Variants in IMPDH2 observed in about 807,000 individuals in gnomAD.
IMPDH2 encodes the protein inosine-5'-monophosphate dehydrogenase 2.
In IMPDH2, 33 loss-of-function variants were observed where a neutral mutation model predicts 57.8. The observed-to-expected ratio is 0.57, with a 90% CI of 0.43 to 0.76. The LOEUF is 0.76. Among genes scored for constraint, IMPDH2 ranks in the 30% least tolerant of loss-of-function variants. IMPDH2 has a pLI of 0.00. For missense variants in IMPDH2, 446 were observed against 659.1 expected, an observed-to-expected ratio of 0.68 and a Z score of 3.54; for synonymous variants, 270 against 241.3, an observed-to-expected ratio of 1.12 and a Z score of -1.10.
chr3:49,024,919 G>A lies in IMPDH2; in HGVS notation c.1272C>T (p.Leu424=), dbSNP rs749230945. The change falls in exon 11 of 14, where the codon CTC becomes CTT. Residue 424 remains leucine (L), a synonymous_variant. Transcript: ENST00000326739. Reference sequence around the variant, plus strand: ...ACCTGAAATATCTGTTCTGGCTGCTGAGGTGCTTGTCCATGGCATCGAGAG... The same window carrying A: ...ACCTGAAATATCTGTTCTGGCTGCTAAGGTGCTTGTCCATGGCATCGAGAG... ...MGSLDAMDKH[L]SSQNRYFSEA... 6.2e-7 allele frequency: 1 copy of A among 1,614,130 alleles called. No individual in the cohort carries two copies. Among genetic ancestry groups the A allele is most frequent in the Non-Finnish European group, 8.5e-7 (1 of 1,180,054 alleles).
intron 9 of IMPDH2, 109 bp from the exon 10 acceptor site, chr3:49,025,378 T>A: frequency 8.4e-7 from 1 of 1,191,104 alleles, no homozygotes; most frequent in Non-Finnish European, 1.2e-6. Flanking sequence ...GCATCAGGAC[T>A]GCAGCTTGGC....
intron 9 of IMPDH2, chr3:49,026,122 G>A (rs72624915): frequency 0.012 from 7,911 of 681,816 alleles, 92 homozygotes; most frequent in Middle Eastern, 0.03. Flanking sequence ...GAGCAAGAAG[G>A]CCAGGCTAGG....
intron 2 of IMPDH2, 58 bp downstream of exon 2, chr3:49,028,700 T>A: frequency 6.7e-7 from 1 of 1,482,402 alleles, no homozygotes; most frequent in South Asian, 1.1e-5. Context: ...AGAGACCAGG[T>A]GATAGTAGCA....
intron 5 of IMPDH2, among the ~76,000 whole-genome samples, chr3:49,027,370 G>A (rs937967808): frequency 1.3e-5 from 2 of 152,104 alleles, no homozygotes; most frequent in African/African-American, 4.8e-5. Context: ...ATTGAGTGAG[G>A]GATGAGTAGA....
Position 49,029,394 on chromosome 3 carries a change from C to CAGAG in IMPDH2, c.-48_-45dup. The stretch of plus-strand genomic sequence containing the variant: ...CCGCGTGTCTCCGAGGACCGCGCCG[C>CAGAG]AGAGACCTCTGCCGTCTGGGCCGCG... On this transcript the variant is annotated 5_prime_UTR_variant, in exon 1 of 14. Coordinates refer to ENST00000326739, the MANE Select transcript of IMPDH2 (RefSeq NM_000884.3). 7.5e-7 allele frequency: 1 copy of CAGAG among 1,340,780 alleles called. No homozygotes were observed. The highest frequency in any genetic ancestry group is 1.2e-5 in the South Asian group (1 of 80,748). The allele number at this position is 1,340,780 out of a possible 1,614,324, so 83.1% of individuals were successfully genotyped here.
rs1465495210 is a variant in IMPDH2 at position 49,026,353 on chromosome 3, C to G, written c.977G>C (p.Gly326Ala). ...CTGCGTAATGCAGATGGAGCCACTT[C>G]CCATGCCCACCCGCAGGGCATCCAC... ...AGVDALRVGM[G>A]SGSICITQEV... Residue 326 changes from glycine to alanine, a missense_variant, in exon 9 of 14, where the codon GGA becomes GCA. Gly to Ala is a moderately conservative substitution (Grantham distance 60, BLOSUM62 0). Coordinates refer to ENST00000326739, the MANE Select transcript of IMPDH2 (RefSeq NM_000884.3). 2.5e-6 allele frequency: 4 copies of G among 1,613,164 alleles called. No individual in the cohort carries two copies. The South Asian group carries it at 4.4e-5, about 18-fold the overall frequency.
In IMPDH2 at chr3:49,028,547, G is replaced by A; in HGVS notation, c.148-15C>T. The stretch of plus-strand genomic sequence containing the variant: ...GAAGTCAGGTCCTGAGGAGACAAAC[G>A]TCAACCAGTGTGGGAAAGCATCCCT... On this transcript the variant is annotated splice_polypyrimidine_tract_variant and intron_variant, in intron 2 of 13. Transcript: ENST00000326739. 1 of 1,594,558 alleles carries A rather than the reference G, an allele frequency of 6.3e-7. No individual in the cohort carries two copies. The highest frequency in any genetic ancestry group is 8.6e-7 in the Non-Finnish European group (1 of 1,162,416).
At chr3:49,028,003 G>T (rs958218493) in intron 4 of IMPDH2, 87 bp from the exon 5 acceptor site, 3 of 1,095,136 alleles carry the variant, frequency 2.7e-6, no homozygotes, top group Non-Finnish European at 2.7e-6. Context: ...TCTGCTTATC[G>T]ATCCCTTTGG....
At position 49,027,694 on chromosome 3, in the gene IMPDH2, T is replaced by G. The variant is rs2093205095; in HGVS notation, c.531+16A>C. The G allele has an allele frequency of 6.2e-7, 1 of 1,609,702 alleles. No homozygotes were observed. The highest frequency in any genetic ancestry group is 1.1e-5 in the South Asian group (1 of 91,016). ...GGGCTGCTAGAGCTTGGATCTACTC[T>G]GCCAGTGGCACCCACCTCTTCCAAG... On this transcript the variant is annotated intron_variant, in intron 5 of 13. Transcript: ENST00000326739.
At chr3:49,025,702 G>A (rs1445369031) in intron 9 of IMPDH2, among the ~76,000 whole-genome samples, 1 of 152,184 alleles carries the variant, frequency 6.6e-6, no homozygotes, top group African/African-American at 2.4e-5. Flanking sequence ...TGTGGAGCAG[G>A]CAGTGGTTGT....
chr3:49,026,907 G>T, intron 6 of IMPDH2, 21 bp from the exon 7 acceptor site: 1 of 1,613,906 alleles, frequency 6.2e-7, no homozygotes, highest in Non-Finnish European at 8.5e-7. Flanking sequence ...GGCAGGACAT[G>T]AATCAGGACC....
intron 9 of IMPDH2, among the ~76,000 whole-genome samples, chr3:49,025,639 G>A (rs1462113727): frequency 2.0e-5 from 3 of 152,210 alleles, no homozygotes; most frequent in Non-Finnish European, 4.4e-5. Flanking sequence ...TGAATGGTGG[G>A]CAGCTCAGGC....
intron 4 of IMPDH2, 160 bp from the exon 5 acceptor site, chr3:49,028,076 TA>T: frequency 1.3e-6 from 1 of 781,230 alleles, no homozygotes; most frequent in East Asian, 2.7e-5. Context: ...GGAGGCACTG[TA>T]CACCTGGTCT....
Position 49,027,161 on chromosome 3 carries a change from AT to A in IMPDH2, c.532-115del, listed in dbSNP as rs2093203282. The A allele has an allele frequency of 2.4e-5, 19 of 794,244 alleles. No individual in the cohort carries two copies. In the South Asian group the frequency reaches 2.5e-4, roughly 10 times the overall value. The allele number at this position is 794,244 out of a possible 1,614,324, so 49.2% of individuals were successfully genotyped here. ...AGGCACGCGCCACCACACCCAACTA[AT>A]TTTTTGTATTTTTAGTAGAGACGGG... On this transcript the variant is annotated intron_variant, in intron 5 of 13. Coordinates refer to ENST00000326739, the MANE Select transcript of IMPDH2 (RefSeq NM_000884.3).
At chr3:49,024,612 G>A (rs2093189015) in intron 12 of IMPDH2, 34 bp from the exon 13 acceptor site, 1 of 1,614,214 alleles carries the variant, frequency 6.2e-7, no homozygotes, top group Non-Finnish European at 8.5e-7. Flanking sequence ...GTGGGTAGCT[G>A]GCCCTGGACC....
At chr3:49,028,602 C>CAA (rs1051576085) in intron 2 of IMPDH2, 70 bp from the exon 3 acceptor site, 92 of 1,396,834 alleles carry the variant, frequency 6.6e-5, no homozygotes, top group Non-Finnish European at 7.5e-5. Flanking sequence ...GAGTCCCCCA[C>CAA]AAAAAGGCAC....
intron 1 of IMPDH2, 99 bp from the exon 2 acceptor site, chr3:49,028,905 G>A (rs1296187645): frequency 1.0e-6 from 1 of 954,130 alleles, no homozygotes; most frequent in Non-Finnish European, 1.7e-6. Context: ...CATGTGAGCA[G>A]AGAGTGGCAC....
rs563716357 is a variant in IMPDH2 at position 49,027,753 on chromosome 3, A to G, written c.488T>C (p.Ile163Thr). 40 of 1,614,170 alleles carry G rather than the reference A, an allele frequency of 2.5e-5. No homozygotes were observed. In the Admixed American group the frequency reaches 3.3e-4, roughly 13 times the overall value. Residue 163 changes from isoleucine (I) to threonine (T), a missense_variant, in exon 5 of 14, where the codon ATT (isoleucine) becomes ACT (threonine). Coordinates refer to ENST00000326739, the MANE Select transcript of IMPDH2 (RefSeq NM_000884.3). ...ATGTTCCTCCTCTTTGAGAAAATCA[A>G]TGTCCCTGGAGGAGATGATGCCCAC... is the stretch of plus-strand genomic sequence containing the variant. The part of the protein sequence containing the change: ...RLVGIISSRD[I>T]DFLKEEEHDC...
chr3:49,029,092 AC>A (rs1471610947), intron 1 of IMPDH2, 160 bp downstream of exon 1: 1 of 684,018 alleles, frequency 1.5e-6, no homozygotes, highest in Non-Finnish European at 2.6e-6. Context: ...TACCCCAAGC[AC>A]CGCTCCAGAT....
Sources: allele counts gnomAD v4.1 joint callset (sites outside exome capture counted in the v4.1 genomes callset), GRCh38; gene constraint gnomAD v4.1.1; transcripts MANE v1.5; gene names NCBI Gene and HGNC (gene_info 2026-07-23, HGNC 2026-07-21).